Variants in LMNB2 observed in about 807,000 individuals in gnomAD.
LMNB2 encodes lamin B2, also known as lamin-B2.
In LMNB2, 17 loss-of-function variants were observed where a neutral mutation model predicts 69.3. That is an observed-to-expected ratio of 0.25 (90% CI 0.17 to 0.37). The LOEUF (loss-of-function observed/expected upper bound fraction) is 0.37. Ranked by LOEUF, LMNB2 falls within the 10% of genes least tolerant of loss-of-function variation. LMNB2 has a pLI of 1.00. For synonymous variants in LMNB2, 397 were observed against 389.3 expected, an observed-to-expected ratio of 1.02 and a Z score of -0.23; for missense variants, 789 against 883.6, an observed-to-expected ratio of 0.89 and a Z score of 1.36.
intron 2 of LMNB2, among the ~76,000 whole-genome samples, chr19:2,442,525 C>T (rs1248985019): frequency 1.3e-5 from 2 of 152,092 alleles, no homozygotes; most frequent in Non-Finnish European, 2.9e-5. Context: ...GCCGAGATTG[C>T]ACCACTGCAC....
rs1336201053 is a variant in LMNB2, at chr19:2,452,953, CTGGGTCATCCTAATGGGGGA to C, written c.264+3697_264+3716del. On this transcript the variant is annotated intron_variant, in intron 1 of 11. Coordinates refer to ENST00000325327, the MANE Select transcript of LMNB2 (RefSeq NM_032737.4). ...GGGGGCTGCGTCATCCTCATGGGGG[CTGGGTCATCCTAATGGGGGA>C]TGGGTCATCCTAATGGGGGCTGGGT... Among the ~76,000 whole-genome samples, 743 of 91,420 alleles carry C rather than the reference CTGGGTCATCCTAATGGGGGA, an allele frequency of 8.1e-3. 6 individuals are homozygous for C. Among genetic ancestry groups the C allele is most frequent in the African/African-American group, 0.017 (353 of 20,280 alleles). The allele number at this position is 91,420 out of a possible 152,430, so 60.0% of individuals were successfully genotyped here. A position where few individuals can be genotyped will look rare whatever the true frequency, so the allele number is the denominator to read the frequency against.
chr19:2,434,406 C>G lies in LMNB2; in HGVS notation c.1091G>C (p.Arg364Pro). The G allele has an allele frequency of 6.2e-7, 1 of 1,613,458 alleles. No individual in the cohort carries two copies. The highest frequency in any genetic ancestry group is 8.5e-7 in the Non-Finnish European group (1 of 1,180,006). ...DAKEQEMTEM[R>P]DVMQQQLAEY... ...GGCCAGCTGCTGCTGCATCACGTCC[C>G]GCATCTCCGTCATCTCCTGCTCCTT... is the stretch of plus-strand genomic sequence containing the variant. The change falls in exon 7 of 12, where the codon CGG becomes CCG. Residue 364 changes from arginine (R) to proline (P), a missense_variant. By Grantham distance (103) the Arg-to-Pro change is moderately radical (BLOSUM62 -2). This residue lies in a region of LMNB2 where 609 missense variants were observed against 630.9 expected (regional missense o/e 0.97). Transcript: ENST00000325327.
At position 2,430,468 on chromosome 19, in the gene LMNB2, C is replaced by T. The variant is rs528150482; in HGVS notation, c.*443G>A. ...AATGCAGGCTTGGCCCCGGGCCCCA[C>T]CAGGTCGACGCCTGGATTCTGAATT... is the stretch of plus-strand genomic sequence containing the variant. On this transcript the variant is annotated 3_prime_UTR_variant, in exon 12 of 12. Coordinates refer to ENST00000325327, the MANE Select transcript of LMNB2 (RefSeq NM_032737.4). The T allele has an allele frequency of 3.7e-4, 107 of 287,122 alleles. No individual in the cohort carries two copies. Among genetic ancestry groups the T allele is most frequent in the African/African-American group, 2.3e-3 (103 of 45,524 alleles). 17.8% of individuals were successfully genotyped at this position (287,122 alleles called of 1,614,324 possible). A position where few individuals can be genotyped will look rare whatever the true frequency, so the allele number is the denominator to read the frequency against.
At chr19:2,435,487 G>C (rs2145449920) in intron 4 of LMNB2, among the ~76,000 whole-genome samples, 1 of 152,298 alleles carries the variant, frequency 6.6e-6, no homozygotes, top group African/African-American at 2.4e-5. Context: ...GAAATGTCCT[G>C]AAATGTCCAG....
At position 2,435,500 on chromosome 19, in the gene LMNB2, C is replaced by T. The variant is rs926942538; in HGVS notation, c.685-329G>A. 3.3e-5 allele frequency among the ~76,000 whole-genome samples: 5 copies of T among 152,250 alleles called. No individual in the cohort carries two copies. The South Asian group carries it at 1.0e-3, about 32-fold the overall frequency. Reference sequence around the variant, plus strand: ...ATGAAATGTCCTGAAATGTCCAGGACAGGCCCATCCACAGAGACAGGGAGG... The same window carrying T: ...ATGAAATGTCCTGAAATGTCCAGGATAGGCCCATCCACAGAGACAGGGAGG... On this transcript the variant is annotated intron_variant, in intron 4 of 11. Coordinates refer to ENST00000325327, the MANE Select transcript of LMNB2 (RefSeq NM_032737.4).
At chr19:2,438,085 GGCTTCC>G in intron 4 of LMNB2, 72 bp downstream of exon 4, 1 of 1,600,238 alleles carries the variant, frequency 6.2e-7, no homozygotes, top group Admixed American at 1.7e-5. Flanking sequence ...GGTGCCCTCA[GGCTTCC>G]GCCCTCCACA....
intron 2 of LMNB2, among the ~76,000 whole-genome samples, chr19:2,439,722 G>T (rs918753244): frequency 6.6e-6 from 1 of 151,320 alleles, no homozygotes; most frequent in Non-Finnish European, 1.5e-5. Flanking sequence ...ATGCACTCCC[G>T]ACTCTCCCTA....
chr19:2,444,579 T>A, intron 1 of LMNB2, 39 bp from the exon 2 acceptor site: 1 of 1,601,828 alleles, frequency 6.2e-7, no homozygotes, highest in Non-Finnish European at 8.5e-7. Context: ...AGAGGGACCC[T>A]TCCCCTTGGA....
chr19:2,439,737 CTT>C (rs111663913), intron 2 of LMNB2, among the ~76,000 whole-genome samples: 12 of 143,172 alleles, frequency 8.4e-5, no homozygotes, highest in Non-Finnish European at 1.2e-4. Flanking sequence ...TCCCTAGAGC[CTT>C]TTTTTTTTTT....
rs574604187 is a variant in LMNB2, at chr19:2,456,619, G to A, written c.264+51C>T. 26 of 1,411,710 alleles carry A rather than the reference G, an allele frequency of 1.8e-5. No individual in the cohort carries two copies. In the East Asian group the frequency reaches 7.5e-4, roughly 41 times the overall value. The allele number at this position is 1,411,710 out of a possible 1,614,324, so 87.4% of individuals were successfully genotyped here. ...CCCGCGATCGCGCGCCCCGCGGTGG[G>A]CGGGGCCTGCCGGCTGCACCCCCGC... On this transcript the variant is annotated intron_variant, in intron 1 of 11. Transcript: ENST00000325327.
At chr19:2,437,501 A>G (rs932180717) in intron 4 of LMNB2, among the ~76,000 whole-genome samples, 1 of 152,228 alleles carries the variant, frequency 6.6e-6, no homozygotes, top group East Asian at 1.9e-4. Context: ...CTTCCTTGAC[A>G]CTGAAGAGAT....
intron 2 of LMNB2, 71 bp downstream of exon 2, chr19:2,444,333 C>A (rs530766846): frequency 5.5e-5 from 87 of 1,582,376 alleles, no homozygotes; most frequent in Non-Finnish European, 6.9e-5. Context: ...ACGAGCCCAG[C>A]GCCCACCTGC....
rs888571116 is a variant in LMNB2, at chr19:2,447,374, T to C, written c.265-2834A>G. On this transcript the variant is annotated intron_variant, in intron 1 of 11. Transcript: ENST00000325327. This position sits in a 1 kb window ranked among gnomAD's most constrained non-coding sequence, Gnocchi z 4.4. ...CCATGAAATGTCCAGGTCAGGCCAG[T>C]GCACAGACACAGGCAGCGGGTGTGT... 3.9e-5 allele frequency among the ~76,000 whole-genome samples: 6 copies of C among 151,914 alleles called. No homozygotes were observed. Among genetic ancestry groups the C allele is most frequent in the Admixed American group, 3.9e-4 (6 of 15,246 alleles).
chr19:2,437,809 C>T (rs539287316), intron 4 of LMNB2, among the ~76,000 whole-genome samples: 3 of 98,642 alleles, frequency 3.0e-5, no homozygotes, highest in South Asian at 6.3e-4. Flanking sequence ...CAAAAAAAGA[C>T]GTGCCCACAT....
In LMNB2 at chr19:2,443,773, T is replaced by C. The variant is rs186023402; in HGVS notation, c.401+631A>G. Among the ~76,000 whole-genome samples the C allele has an allele frequency of 1.5e-3, 230 of 152,288 alleles. No homozygotes were observed. Among genetic ancestry groups the C allele is most frequent in the Non-Finnish European group, 2.6e-3 (178 of 68,012 alleles). ...CTCTGAATAAATATTCCTTTTGTCA[T>C]CATCGTTCTGTTTAAATTGCCGCCC... On this transcript the variant is annotated intron_variant, in intron 2 of 11. Coordinates refer to ENST00000325327, the MANE Select transcript of LMNB2 (RefSeq NM_032737.4). The surrounding 1 kb of genome is among the most constrained non-coding windows in gnomAD (Gnocchi z 6.2).
chr19:2,434,250 C>G, intron 7 of LMNB2, 45 bp downstream of exon 7: 1 of 1,603,822 alleles, frequency 6.2e-7, no homozygotes, highest in Non-Finnish European at 8.5e-7. Context: ...CCTGCCCTGC[C>G]CCTCCTCCTC....
At chr19:2,441,250 C>A (rs1971897401) in intron 2 of LMNB2, among the ~76,000 whole-genome samples, 1 of 152,268 alleles carries the variant, frequency 6.6e-6, no homozygotes, top group Non-Finnish European at 1.5e-5. Context: ...CCGGGTCTGG[C>A]TCCGGTTGTG....
chr19:2,433,085 A>G (rs12973491), intron 8 of LMNB2, among the ~76,000 whole-genome samples: 180 of 84,634 alleles, frequency 2.1e-3, no homozygotes, highest in Middle Eastern at 0.016. Flanking sequence ...CGGTCATTCC[A>G]GTCACCTTGT....
At chr19:2,445,323 C>T (rs1359260782) in intron 1 of LMNB2, among the ~76,000 whole-genome samples, 2 of 152,086 alleles carry the variant, frequency 1.3e-5, no homozygotes, top group Non-Finnish European at 2.9e-5. Context: ...GCCCGTGCCC[C>T]TCTGTGCCCC....
Sources: gnomAD v4.1 joint callset for allele counts (sites outside exome capture counted in the v4.1 genomes callset) on GRCh38, gnomAD v4.1.1 for gene constraint, gnomAD v4.1.1 regional missense constraint, Gnocchi (gnomAD v3.1) non-coding constraint, MANE v1.5 for transcripts, NCBI Gene and HGNC (gene_info 2026-07-23, HGNC 2026-07-21) for gene names.